Variants in NCALD observed in about 807,000 individuals in gnomAD.
The protein encoded by NCALD is neurocalcin-delta.
A neutral mutation model predicts 18.6 loss-of-function variants in NCALD; 10 were observed. The observed-to-expected ratio is 0.54, with a 90% confidence interval of 0.33 to 0.91. The LOEUF (loss-of-function observed/expected upper bound fraction) is 0.91. NCALD is among the 40% of genes least tolerant of loss of function. NCALD has a pLI of 0.03. For synonymous variants in NCALD, 88 were observed against 87.4 expected (o/e 1.01, Z -0.04); for missense variants, 184 against 247.6 (o/e 0.74, Z 1.72).
rs185747430 is a variant in NCALD at position 101,824,482 on chromosome 8, T to A, written c.-20+62659A>T. On this transcript the variant is annotated intron_variant, in intron 4 of 6. Transcript: ENST00000311028. Reference sequence around the variant, plus strand: ...ACTAATCTTTAAATTTTATTTTATTTTTTTTTTTGGCTGAACCAAAGCTCC... The same window carrying A: ...ACTAATCTTTAAATTTTATTTTATTATTTTTTTTGGCTGAACCAAAGCTCC... Among the ~76,000 whole-genome samples, 16 of 152,152 alleles carry A rather than the reference T, an allele frequency of 1.1e-4. No homozygotes were observed. In the East Asian group the frequency reaches 2.7e-3, roughly 26 times the overall value.
At chr8:102,117,400 G>A (rs1825821056) in intron 1 of NCALD, among the ~76,000 whole-genome samples, 1 of 152,150 alleles carries the variant, frequency 6.6e-6, no homozygotes, top group African/African-American at 2.4e-5. Context: ...GAATATAAAA[G>A]TCCCACAGAG....
chr8:101,882,348 A>T (rs1821079138), intron 4 of NCALD, among the ~76,000 whole-genome samples: 1 of 152,114 alleles, frequency 6.6e-6, no homozygotes, highest in South Asian at 2.1e-4. Context: ...ATGAAGGTGG[A>T]TTTAGTGTAC....
At chr8:102,005,109 GA>G (rs1429032928) in intron 2 of NCALD, among the ~76,000 whole-genome samples, 1 of 152,002 alleles carries the variant, frequency 6.6e-6, no homozygotes, top group African/African-American at 2.4e-5. Flanking sequence ...CAAAATGGGA[GA>G]AAATTTTTGC....
intron 4 of NCALD, among the ~76,000 whole-genome samples, chr8:101,842,598 G>T (rs1814689344): frequency 6.6e-6 from 1 of 152,206 alleles, no homozygotes; most frequent in Non-Finnish European, 1.5e-5. Context: ...GATGGCTATT[G>T]CAGCCTTAAG....
chr8:102,056,755 A>G (rs911373301), intron 1 of NCALD, among the ~76,000 whole-genome samples: 1 of 152,250 alleles, frequency 6.6e-6, no homozygotes, highest in East Asian at 1.9e-4. Flanking sequence ...CTAAGGCCGT[A>G]CACCTACTGT....
At chr8:101,845,234 T>G (rs1161842863) in intron 4 of NCALD, among the ~76,000 whole-genome samples, 3 of 152,206 alleles carry the variant, frequency 2.0e-5, no homozygotes, top group Non-Finnish European at 4.4e-5. Flanking sequence ...CCCAGTAATG[T>G]ATTTGATTTA....
intron 2 of NCALD, among the ~76,000 whole-genome samples, chr8:101,942,902 T>C (rs543151692): frequency 3.9e-5 from 6 of 152,244 alleles, no homozygotes; most frequent in African/African-American, 1.2e-4. Context: ...TATTTAAAGA[T>C]GAAGAAGTTA....
At chr8:101,873,362 T>G (rs575566282) in intron 4 of NCALD, among the ~76,000 whole-genome samples, 17 of 152,342 alleles carry the variant, frequency 1.1e-4, no homozygotes, top group African/African-American at 3.8e-4. Context: ...TCCCTCACCT[T>G]CATGGTGATG....
intron 1 of NCALD, among the ~76,000 whole-genome samples, chr8:101,726,342 A>G (rs1816573690): frequency 6.6e-6 from 1 of 152,176 alleles, no homozygotes; most frequent in South Asian, 2.1e-4. Context: ...CAGAGCCAGG[A>G]AGACCAGGTA....
intron 3 of NCALD, among the ~76,000 whole-genome samples, chr8:101,888,177 C>T (rs574886841): frequency 6.6e-6 from 1 of 152,178 alleles, no homozygotes; most frequent in African/African-American, 2.4e-5. Context: ...ACAAACATCA[C>T]ACAGAGAGAC....
chr8:101,910,684 T>C (rs1234024306), intron 3 of NCALD, among the ~76,000 whole-genome samples: 1 of 152,214 alleles, frequency 6.6e-6, no homozygotes, highest in African/African-American at 2.4e-5. Flanking sequence ...GATCTAGTGG[T>C]TGTTCTATTC....
chr8:101,879,285 T>C (rs1436164302), intron 4 of NCALD, among the ~76,000 whole-genome samples: 1 of 152,164 alleles, frequency 6.6e-6, no homozygotes, highest in East Asian at 1.9e-4. Context: ...TTGTCCCTTC[T>C]GATGTTCAGA....
At chr8:101,967,780 C>A (rs1202623465) in intron 2 of NCALD, among the ~76,000 whole-genome samples, 1 of 152,040 alleles carries the variant, frequency 6.6e-6, no homozygotes, top group Admixed American at 6.6e-5. Context: ...GGACTCTCTA[C>A]CCCAGAGTAG....
At chr8:101,984,866 C>T (rs150306577) in intron 2 of NCALD, among the ~76,000 whole-genome samples, 5 of 152,322 alleles carry the variant, frequency 3.3e-5, no homozygotes, top group African/African-American at 1.2e-4. Context: ...ACCATCACCT[C>T]AGTTCACATC....
intron 2 of NCALD, among the ~76,000 whole-genome samples, chr8:101,982,036 C>G (rs75100990): frequency 6.6e-6 from 1 of 152,070 alleles, no homozygotes; most frequent in Non-Finnish European, 1.5e-5. Context: ...GTGGCACCTC[C>G]TCTGTCTCTT....
chr8:101,847,590 T>C (rs1288009231), intron 4 of NCALD, among the ~76,000 whole-genome samples: 1 of 152,206 alleles, frequency 6.6e-6, no homozygotes, highest in African/African-American at 2.4e-5. Flanking sequence ...AGCTATTGTT[T>C]GGGGGTCCAT....
At chr8:101,890,282 T>C (rs1816824960) in intron 3 of NCALD, among the ~76,000 whole-genome samples, 1 of 152,182 alleles carries the variant, frequency 6.6e-6, no homozygotes, top group South Asian at 2.1e-4. Context: ...TCATCTTTAA[T>C]TAAGAAAATG....
chr8:101,799,147 A>G (rs917220907), intron 4 of NCALD, among the ~76,000 whole-genome samples: 1 of 152,204 alleles, frequency 6.6e-6, no homozygotes, highest in Non-Finnish European at 1.5e-5. Context: ...AGACATGAAG[A>G]GACATTTTAT....
chr8:102,036,318 T>C (rs1342635400), intron 1 of NCALD, among the ~76,000 whole-genome samples: 1 of 149,632 alleles, frequency 6.7e-6, no homozygotes, highest in Non-Finnish European at 1.5e-5. Context: ...AATAAATAAA[T>C]AATACTTAAT....
Sources: gnomAD v4.1 joint callset for allele counts (sites outside exome capture counted in the v4.1 genomes callset) on GRCh38, gnomAD v4.1.1 for gene constraint, MANE v1.5 for transcripts, NCBI Gene and HGNC (gene_info 2026-07-23, HGNC 2026-07-21) for gene names.